The following ATRNL1 variants were observed in gnomAD, a reference collection of about 807,000 sequenced individuals.
The protein encoded by ATRNL1 is attractin-like protein 1.
ATRNL1 carries 95 observed loss-of-function variants against 182.7 expected under a neutral mutation model. The ratio of observed to expected loss-of-function variants is 0.52; its 90% confidence interval spans 0.44 to 0.62. The LOEUF (loss-of-function observed/expected upper bound fraction) is 0.62, where lower values mean the gene tolerates loss of function less well. ATRNL1 is among the 20% of genes least tolerant of loss of function. The pLI is 0.00. For synonymous variants in ATRNL1, 576 were observed against 568.3 expected (o/e 1.01, Z -0.19); for missense variants, 1,471 against 1,679.5 (o/e 0.88, Z 2.17).
At chr10:115,509,631 A>C (rs1850287102) in intron 24 of ATRNL1, among the ~76,000 whole-genome samples, 1 of 151,986 alleles carries the variant, frequency 6.6e-6, no homozygotes, top group South Asian at 2.1e-4. Flanking sequence ...TGCCAGCATC[A>C]TGTTTCCTGT....
intron 21 of ATRNL1, among the ~76,000 whole-genome samples, chr10:115,455,765 C>G (rs1009260910): frequency 6.6e-6 from 1 of 152,070 alleles, no homozygotes; most frequent in African/African-American, 2.4e-5. Context: ...CCAGAATCTA[C>G]AAGGAATTTA....
chr10:115,711,008 A>G (rs1044425897), intron 26 of ATRNL1, among the ~76,000 whole-genome samples: 6 of 152,146 alleles, frequency 3.9e-5, no homozygotes, highest in Non-Finnish European at 7.4e-5. Flanking sequence ...AAGTTGACAG[A>G]AAAATGGACA....
At chr10:115,782,258 A>G (rs114448541) in intron 27 of ATRNL1, among the ~76,000 whole-genome samples, 7,776 of 152,170 alleles carry the variant, frequency 0.051, 576 homozygotes, top group African/African-American at 0.16. Context: ...AACCTTAACC[A>G]CCTCAACTTT....
chr10:115,128,408 A>G (rs1845068160), intron 4 of ATRNL1: 1 of 691,594 alleles, frequency 1.4e-6, no homozygotes, highest in African/African-American at 1.9e-5. Context: ...TTTCTTCAGA[A>G]TGTAGAAATT....
intron 27 of ATRNL1, among the ~76,000 whole-genome samples, chr10:115,816,464 A>G (rs1555088602): frequency 1.3e-5 from 2 of 152,164 alleles, no homozygotes; most frequent in African/African-American, 2.4e-5. Flanking sequence ...TAGATTTAAC[A>G]TCGTTAGTAA....
intron 26 of ATRNL1, among the ~76,000 whole-genome samples, chr10:115,627,331 C>A (rs1432056536): frequency 6.6e-6 from 1 of 152,062 alleles, no homozygotes; most frequent in African/African-American, 2.4e-5. Context: ...CTTATCTTTA[C>A]GTTTTTGAAG....
chr10:115,302,735 G>C (rs1308633658), intron 17 of ATRNL1, among the ~76,000 whole-genome samples: 1 of 152,186 alleles, frequency 6.6e-6, no homozygotes, highest in Non-Finnish European at 1.5e-5. Flanking sequence ...TATGTGGTGA[G>C]AGTGGCCTTG....
chr10:115,428,272 CACATTT>C (rs1401566956), intron 21 of ATRNL1, among the ~76,000 whole-genome samples: 1 of 152,024 alleles, frequency 6.6e-6, no homozygotes, highest in Non-Finnish European at 1.5e-5. Flanking sequence ...TTGCAAAAGT[CACATTT>C]TACTTCTACT....
chr10:115,498,261 C>T (rs141428746), intron 24 of ATRNL1, among the ~76,000 whole-genome samples: 37 of 151,648 alleles, frequency 2.4e-4, no homozygotes, highest in African/African-American at 8.3e-4. Flanking sequence ...TTCCAAATAC[C>T]ACAGGGTAGA....
intron 28 of ATRNL1, among the ~76,000 whole-genome samples, chr10:115,887,775 C>G (rs1054904240): frequency 2.6e-5 from 4 of 151,900 alleles, no homozygotes; most frequent in Non-Finnish European, 5.9e-5. Context: ...CTTTACCCCC[C>G]ATATCTAATT....
intron 17 of ATRNL1, among the ~76,000 whole-genome samples, chr10:115,304,729 G>A (rs2133986041): frequency 6.6e-6 from 1 of 151,910 alleles, no homozygotes; most frequent in South Asian, 2.1e-4. Flanking sequence ...ATATGCAAAT[G>A]CAGGGCACCA....
At chr10:115,787,060 C>A (rs1555080562) in intron 27 of ATRNL1, among the ~76,000 whole-genome samples, 2 of 152,236 alleles carry the variant, frequency 1.3e-5, no homozygotes, top group South Asian at 4.1e-4. Context: ...ATCAAAGGTT[C>A]TTTATCTGAT....
chr10:115,759,841 ATTTTTTTTT>A (rs58578796), intron 27 of ATRNL1, among the ~76,000 whole-genome samples: 13 of 62,686 alleles, frequency 2.1e-4, no homozygotes, highest in African/African-American at 4.3e-4. Context: ...ACACCTGGCT[ATTTTTTTTT>A]TTTTTTTTTT....
chr10:115,110,283 G>A (rs1844201817), intron 1 of ATRNL1, among the ~76,000 whole-genome samples: 1 of 152,152 alleles, frequency 6.6e-6, no homozygotes, highest in South Asian at 2.1e-4. Flanking sequence ...CCCTTTAAAA[G>A]CAGAGTATTT....
intron 26 of ATRNL1, among the ~76,000 whole-genome samples, chr10:115,592,248 A>G (rs1460878924): frequency 6.6e-6 from 1 of 152,198 alleles, no homozygotes; most frequent in East Asian, 1.9e-4. Context: ...TGGGATCAGT[A>G]TACCCCAAAC....
chr10:115,879,741 A>C (rs1951784402), intron 28 of ATRNL1, among the ~76,000 whole-genome samples: 1 of 152,202 alleles, frequency 6.6e-6, no homozygotes, highest in Non-Finnish European at 1.5e-5. Flanking sequence ...TTTTAAGGGA[A>C]TACTAGAGAT....
chr10:115,883,029 C>G (rs1296807137), intron 28 of ATRNL1, among the ~76,000 whole-genome samples: 1 of 152,186 alleles, frequency 6.6e-6, no homozygotes, highest in African/African-American at 2.4e-5. Flanking sequence ...ATCAGGGGAA[C>G]AGATGCCAGT....
At chr10:115,560,732 C>T (rs547618645) in intron 26 of ATRNL1, among the ~76,000 whole-genome samples, 1 of 147,730 alleles carries the variant, frequency 6.8e-6, no homozygotes, top group South Asian at 2.2e-4. Context: ...AAGAACAAAG[C>T]TTACACTTCA....
At chr10:115,609,358 C>T (rs1285375026) in intron 26 of ATRNL1, among the ~76,000 whole-genome samples, 1 of 152,144 alleles carries the variant, frequency 6.6e-6, no homozygotes, top group African/African-American at 2.4e-5. Flanking sequence ...AGACACTCTG[C>T]TCTGAAGCAC....
Sources: gnomAD v4.1 joint callset for allele counts (sites outside exome capture counted in the v4.1 genomes callset) on GRCh38, gnomAD v4.1.1 for gene constraint, MANE v1.5 for transcripts, NCBI Gene and HGNC (gene_info 2026-07-23, HGNC 2026-07-21) for gene names.